The following MAD1L1 variants were observed in gnomAD, a reference collection of about 807,000 sequenced individuals.
MAD1L1 encodes the protein mitotic arrest deficient 1 like 1, also known as mitotic spindle assembly checkpoint protein MAD1.
MAD1L1 carries 95 observed loss-of-function variants against 96.9 expected under a neutral mutation model. The observed-to-expected ratio is 0.98, with a 90% CI of 0.83 to 1.16. MAD1L1 has a LOEUF of 1.16. MAD1L1 is among the 50% of genes most tolerant of loss of function. The probability of loss-of-function intolerance (pLI) is 0.00; values close to 1 mark genes in which losing one functional copy is unlikely to be tolerated. For synonymous variants in MAD1L1, 473 were observed against 396.6 expected, an observed-to-expected ratio of 1.19 and a Z score of -2.29; for missense variants, 1,007 against 954.4, an observed-to-expected ratio of 1.06 and a Z score of -0.73.
At chr7:2,079,231 G>A (rs765996745) in intron 11 of MAD1L1, among the ~76,000 whole-genome samples, 76 of 152,326 alleles carry the variant, frequency 5.0e-4, no homozygotes, top group African/African-American at 1.8e-3. Context: ...GTTCAGACTC[G>A]GAAGGGGCTG....
intron 16 of MAD1L1, among the ~76,000 whole-genome samples, chr7:1,946,688 G>C (rs1779244003): frequency 6.6e-6 from 1 of 152,242 alleles, no homozygotes; most frequent in South Asian, 2.1e-4. Flanking sequence ...GGGACGGGCA[G>C]GGCAGGTCCC....
At chr7:2,020,194 G>A (rs1034248563) in intron 12 of MAD1L1, among the ~76,000 whole-genome samples, 1 of 152,246 alleles carries the variant, frequency 6.6e-6, no homozygotes, top group East Asian at 1.9e-4. Context: ...CGCCCAGCCC[G>A]GGGAGGCAGT....
chr7:1,906,693 C>T (rs1002930634), intron 17 of MAD1L1, among the ~76,000 whole-genome samples: 10 of 152,242 alleles, frequency 6.6e-5, no homozygotes, highest in Admixed American at 2.6e-4. Context: ...GGCCTGTGCG[C>T]ACTGTCACAC....
intron 16 of MAD1L1, among the ~76,000 whole-genome samples, chr7:1,951,454 C>T (rs545594415): frequency 2.0e-5 from 3 of 152,326 alleles, no homozygotes; most frequent in Admixed American, 6.5e-5. Flanking sequence ...GGAAGCTGAC[C>T]GCCATAACCA....
chr7:2,183,672 T>C (rs562677456), intron 10 of MAD1L1, among the ~76,000 whole-genome samples: 23 of 151,882 alleles, frequency 1.5e-4, no homozygotes, highest in African/African-American at 5.1e-4. Context: ...AAACACCGCA[T>C]GTTCTCACTC....
chr7:1,918,115 G>A (rs930640713), intron 17 of MAD1L1, among the ~76,000 whole-genome samples: 6 of 152,112 alleles, frequency 3.9e-5, no homozygotes, highest in South Asian at 2.1e-4. Flanking sequence ...AGCCTGCCCC[G>A]GACCGTGCTC....
intron 10 of MAD1L1, among the ~76,000 whole-genome samples, chr7:2,161,899 C>A (rs879428559): frequency 6.8e-6 from 1 of 148,054 alleles, no homozygotes; most frequent in South Asian, 2.1e-4. Context: ...TGGGGGGCAG[C>A]CCCCGCCCGC....
At chr7:2,067,305 G>A (rs1440792466) in intron 12 of MAD1L1, among the ~76,000 whole-genome samples, 1 of 151,932 alleles carries the variant, frequency 6.6e-6, no homozygotes, top group African/African-American at 2.4e-5. Flanking sequence ...GGGGTCATCA[G>A]GCCTGAGCCC....
rs115758405 is a variant in MAD1L1, at chr7:2,004,425, G to A, written c.1360-2304C>T. On this transcript the variant is annotated intron_variant, in intron 13 of 18. Coordinates refer to ENST00000265854, the MANE Select transcript of MAD1L1 (RefSeq NM_001013836.2). ...GTGACAGCTACAGGTGAGGCACATC[G>A]TCATCCCCATTTACATCAGTTCACA... Among the ~76,000 whole-genome samples, 1,504 of 152,366 alleles carry A rather than the reference G, an allele frequency of 9.9e-3. 23 individuals are homozygous for A. The highest frequency in any genetic ancestry group is 0.035 in the African/African-American group (1,442 of 41,574).
intron 10 of MAD1L1, among the ~76,000 whole-genome samples, chr7:2,185,620 A>T (rs1791421911): frequency 6.6e-6 from 1 of 152,208 alleles, no homozygotes; most frequent in Admixed American, 6.5e-5. Context: ...AGCCACGTGC[A>T]TGCTTCTAGA....
At chr7:2,187,217 C>T (rs1430851700) in intron 10 of MAD1L1, among the ~76,000 whole-genome samples, 10 of 152,068 alleles carry the variant, frequency 6.6e-5, no homozygotes, top group Admixed American at 4.6e-4. Context: ...GGCATGGTGG[C>T]GTACACCTGT....
intron 18 of MAD1L1, chr7:1,817,203 C>T (rs528039371): frequency 1.3e-5 from 2 of 152,082 alleles, no homozygotes; most frequent in African/African-American, 4.8e-5. Context: ...GCTGCTGGGT[C>T]GAGGGGAATC....
intron 18 of MAD1L1, chr7:1,848,143 A>G (rs758785813): frequency 1.3e-5 from 3 of 228,734 alleles, no homozygotes; most frequent in Non-Finnish European, 2.6e-5. Context: ...CTGGGTCCGC[A>G]GGCCACTCTC....
intron 10 of MAD1L1, among the ~76,000 whole-genome samples, chr7:2,155,445 C>G (rs1046051766): frequency 6.6e-6 from 1 of 152,164 alleles, no homozygotes; most frequent in Non-Finnish European, 1.5e-5. Context: ...AAACTGAAAC[C>G]CTGTCGCATT....
At chr7:1,864,728 G>A (rs1039709789) in intron 18 of MAD1L1, among the ~76,000 whole-genome samples, 5 of 152,246 alleles carry the variant, frequency 3.3e-5, no homozygotes, top group Admixed American at 1.3e-4. Flanking sequence ...GTGGGCCCTC[G>A]TGAACAGACT....
intron 11 of MAD1L1, among the ~76,000 whole-genome samples, chr7:2,141,184 C>T (rs916501050): frequency 6.6e-6 from 1 of 152,230 alleles, no homozygotes; most frequent in Non-Finnish European, 1.5e-5. Flanking sequence ...CAGACACCCA[C>T]CTAGAGCAGG....
chr7:2,138,164 C>A (rs1788849809), intron 11 of MAD1L1, among the ~76,000 whole-genome samples: 1 of 152,212 alleles, frequency 6.6e-6, no homozygotes, highest in Non-Finnish European at 1.5e-5. Context: ...CAAAGGGTTT[C>A]ATGGGGGTGG....
At chr7:2,133,253 C>G (rs1031304582) in intron 11 of MAD1L1, among the ~76,000 whole-genome samples, 1 of 151,862 alleles carries the variant, frequency 6.6e-6, no homozygotes, top group African/African-American at 2.4e-5. Flanking sequence ...CTCCGTCACC[C>G]ACGTGTCTGC....
At chr7:2,097,330 C>A (rs747984961) in intron 11 of MAD1L1, among the ~76,000 whole-genome samples, 1 of 152,196 alleles carries the variant, frequency 6.6e-6, no homozygotes, top group Non-Finnish European at 1.5e-5. Context: ...TCAGCCAAGA[C>A]CAAGTGGACA....
Sources: gnomAD v4.1 joint callset for allele counts (sites outside exome capture counted in the v4.1 genomes callset) on GRCh38, gnomAD v4.1.1 for gene constraint, MANE v1.5 for transcripts, NCBI Gene and HGNC (gene_info 2026-07-23, HGNC 2026-07-21) for gene names.